ATAD3C: variants seen among roughly 807,000 people sequenced by gnomAD.
ATAD3C encodes the protein ATPase family AAA domain-containing protein 3C.
In ATAD3C, 38 loss-of-function variants were observed where a neutral mutation model predicts 46.3. The observed-to-expected ratio is 0.82, with a 90% CI of 0.63 to 1.08. ATAD3C has a LOEUF of 1.08. Ranked by LOEUF, ATAD3C falls within the 50% of genes least tolerant of loss-of-function variation. The probability of loss-of-function intolerance (pLI) is 0.00; values close to 1 mark genes in which losing one functional copy is unlikely to be tolerated. For missense variants in ATAD3C, 563 were observed against 572.7 expected (o/e 0.98, Z 0.17); for synonymous variants, 220 against 236.4 (o/e 0.93, Z 0.63).
chr1:1,455,813 G>C lies in ATAD3C; in HGVS notation c.461G>C (p.Arg154Pro). ...CAGCCCAGCCTGGAAGCACGGGTGC[G>C]CGACATCGCCATAATGACAAGGAAC... ...VLSPSLEARV[R>P]DIAIMTRNIK... Residue 154 changes from arginine to proline, a missense_variant, in exon 6 of 12, where the codon CGC becomes CCC. This residue lies in a region of ATAD3C where 263 missense variants were observed against 243.1 expected (regional missense o/e 1.08). Coordinates refer to ENST00000378785, the MANE Select transcript of ATAD3C (RefSeq NM_001039211.3). The C allele has an allele frequency of 6.2e-7, 1 of 1,613,446 alleles. No homozygotes were observed. Among genetic ancestry groups the C allele is most frequent in the South Asian group, 1.1e-5 (1 of 91,016 alleles).
chr1:1,456,252 T>A lies in ATAD3C; in HGVS notation c.592T>A (p.Tyr198Asn). 6.7e-7 allele frequency: 1 copy of A among 1,491,278 alleles called. No individual in the cohort carries two copies. The highest frequency in any genetic ancestry group is 8.8e-7 in the Non-Finnish European group (1 of 1,142,022). 92.4% of individuals were successfully genotyped at this position (1,491,278 alleles called of 1,614,324 possible). The change falls in exon 7 of 12, where the codon TAC becomes AAC. Residue 198 changes from tyrosine to asparagine, a missense_variant. Tyr to Asn is a moderately radical substitution (Grantham distance 143, BLOSUM62 -2). This residue lies in a region of ATAD3C where 27 missense variants were observed against 76.2 expected (regional missense o/e 0.35). Coordinates refer to ENST00000378785, the MANE Select transcript of ATAD3C (RefSeq NM_001039211.3). ...KKLALHSGMD[Y>N]AIMTGGDVAP... ...ACTCGCCCTGCACTCAGGCATGGAC[T>A]ACGCCATCATGACAGGCGGGGACGT...
chr1:1,460,333 G>A (rs1164929939), intron 9 of ATAD3C, among the ~76,000 whole-genome samples: 2 of 151,858 alleles, frequency 1.3e-5, no homozygotes, highest in South Asian at 2.1e-4. Context: ...CACCCGCCTC[G>A]GCCTCCCAAA....
Position 1,454,422 on chromosome 1 carries a change from G to T in ATAD3C, c.300G>T (p.Glu100Asp). Residue 100 changes from glutamate to aspartate, a missense_variant, in exon 4 of 12, where the codon GAG becomes GAT. Coordinates refer to ENST00000378785, the MANE Select transcript of ATAD3C (RefSeq NM_001039211.3). ...NATAVTGRYI[E>D]ARLGKPSLVR... is the part of the protein sequence containing the mutation. Reference sequence around the variant, plus strand: ...CAGCCGTCACTGGCCGCTACATCGAGGCTCGGCTGGGGAAGCCGTCCCTAG... The same window carrying T: ...CAGCCGTCACTGGCCGCTACATCGATGCTCGGCTGGGGAAGCCGTCCCTAG... 1 of 1,609,348 alleles carries T rather than the reference G, an allele frequency of 6.2e-7. No homozygotes were observed. Among genetic ancestry groups the T allele is most frequent in the Non-Finnish European group, 8.5e-7 (1 of 1,178,760 alleles).
chr1:1,465,362 T>C (rs1240723), intron 11 of ATAD3C, among the ~76,000 whole-genome samples: 147,758 of 151,108 alleles, frequency 0.98, 72,285 homozygotes, highest in East Asian at 1. Flanking sequence ...GAGGCTGAGG[T>C]GGGTGGATCA....
chr1:1,461,687 C>A (rs368112403), intron 10 of ATAD3C, among the ~76,000 whole-genome samples: 1 of 143,128 alleles, frequency 7.0e-6, no homozygotes. Context: ...CATGTAGGGA[C>A]TGGAGGGAGA....
rs1487426902 is a variant in ATAD3C, at chr1:1,462,849, C to T, written c.1089+141C>T. On this transcript the variant is annotated intron_variant, in intron 11 of 11. Transcript: ENST00000378785. This position sits in a 1 kb window ranked among gnomAD's most constrained non-coding sequence, Gnocchi z 4.5. ...TTCAGTGCACAGATGTGACACGGGG[C>T]CCCTGCCCCAGTTGGGCCACTCCAC... is the stretch of plus-strand genomic sequence containing the variant. 9.2e-7 allele frequency: 1 copy of T among 1,088,482 alleles called. No homozygotes were observed. The highest frequency in any genetic ancestry group is 1.6e-5 in the African/African-American group (1 of 63,712). 67.4% of individuals were successfully genotyped at this position (1,088,482 alleles called of 1,614,324 possible).
At position 1,455,763 on chromosome 1, in the gene ATAD3C, TC is replaced by T. The variant is rs755076756; in HGVS notation, c.439-26del. 6 of 1,612,210 alleles carry T rather than the reference TC, an allele frequency of 3.7e-6. No individual in the cohort carries two copies. The East Asian group carries it at 1.3e-4, about 36-fold the overall frequency. Reference sequence around the variant, plus strand: ...GAGGCTTCTGTGGGTGCAGACTGTGTCCTCCAAGCCCCTGTCTTCCTCGGCA... The same window carrying T: ...GAGGCTTCTGTGGGTGCAGACTGTGTCTCCAAGCCCCTGTCTTCCTCGGCA... On this transcript the variant is annotated intron_variant, in intron 5 of 11. Coordinates refer to ENST00000378785, the MANE Select transcript of ATAD3C (RefSeq NM_001039211.3).
chr1:1,460,069 A>ATT (rs746685483), intron 9 of ATAD3C, among the ~76,000 whole-genome samples: 74 of 124,248 alleles, frequency 6.0e-4, no homozygotes, highest in East Asian at 5.7e-3. Context: ...GCGTGGCAGT[A>ATT]TTTTTTTTTT....
rs1463834576 is a variant in ATAD3C at position 1,464,026 on chromosome 1, G to A, written c.1089+1318G>A. ...TCGAGACCAGCCTGGCCAACATGTC[G>A]AACTCCACCTCTACTAAAAATACAA... On this transcript the variant is annotated intron_variant, in intron 11 of 11. Coordinates refer to ENST00000378785, the MANE Select transcript of ATAD3C (RefSeq NM_001039211.3). Among the ~76,000 whole-genome samples the A allele has an allele frequency of 2.7e-5, 4 of 150,874 alleles. No individual in the cohort carries two copies. In the South Asian group the frequency reaches 6.3e-4, roughly 24 times the overall value.
rs1638831891 is a variant in ATAD3C, at chr1:1,450,255, G to A, written c.-429G>A. 1 of 161,204 alleles carries A rather than the reference G, an allele frequency of 6.2e-6. No homozygotes were observed. The highest frequency in any genetic ancestry group is 6.1e-5 in the Admixed American group (1 of 16,276). The allele number at this position is 161,204 out of a possible 1,614,324, so 10.0% of individuals were successfully genotyped here. A position where few individuals can be genotyped will look rare whatever the true frequency, so the allele number is the denominator to read the frequency against. On this transcript the variant is annotated 5_prime_UTR_variant, in exon 1 of 12. Transcript: ENST00000378785. ...CAGGAGAGTGACGTGAACCCGAGAG[G>A]TAGAGCTTGCAGTAAGCAGAGATCA...
In ATAD3C at chr1:1,460,918, G is replaced by A. The variant is rs886511499; in HGVS notation, c.980+1G>A. On this transcript the variant is annotated splice_donor_variant, in intron 10 of 11. Coordinates refer to ENST00000378785, the MANE Select transcript of ATAD3C (RefSeq NM_001039211.3). LOFTEE classifies it high-confidence loss of function. ...TTAAGCCGGCCACAGAAGGAAAGCG[G>A]TAAGTGTCCCGCCCCACCAGCCCCC... The A allele has an allele frequency of 1.2e-6, 2 of 1,603,974 alleles. No individual in the cohort carries two copies. The highest frequency in any genetic ancestry group is 1.7e-6 in the Non-Finnish European group (2 of 1,174,442).
intron 3 of ATAD3C, among the ~76,000 whole-genome samples, chr1:1,453,314 T>C (rs773028817): frequency 6.6e-6 from 1 of 152,094 alleles, no homozygotes. Context: ...GCGATTCTCT[T>C]GCCTCAGCCT....
intron 8 of ATAD3C, 37 bp downstream of exon 8, chr1:1,457,217 G>A: frequency 6.2e-7 from 1 of 1,612,994 alleles, no homozygotes; most frequent in Non-Finnish European, 8.5e-7. Flanking sequence ...CCACAGGAGG[G>A]TGGTGGGGTG....
At chr1:1,461,502 C>G (rs1243390757) in intron 10 of ATAD3C, among the ~76,000 whole-genome samples, 1 of 148,970 alleles carries the variant, frequency 6.7e-6, no homozygotes, top group East Asian at 2.0e-4. Context: ...TTACGTTCCT[C>G]TTCACTACGC....
In ATAD3C at chr1:1,468,578, C is replaced by T. The variant is rs1318826249; in HGVS notation, c.*48C>T. The T allele has an allele frequency of 6.3e-7, 1 of 1,578,526 alleles. No individual in the cohort carries two copies. Among genetic ancestry groups the T allele is most frequent in the Non-Finnish European group, 8.6e-7 (1 of 1,166,012 alleles). On this transcript the variant is annotated 3_prime_UTR_variant, in exon 12 of 12. Coordinates refer to ENST00000378785, the MANE Select transcript of ATAD3C (RefSeq NM_001039211.3). ...ACGGAGCCTGGCCGCGGACCCCTCC[C>T]ACCCCTGCCTTTGCGGCCCCGCACA...
chr1:1,460,504 G>A (rs915998093), intron 9 of ATAD3C, among the ~76,000 whole-genome samples: 14 of 152,044 alleles, frequency 9.2e-5, no homozygotes, highest in East Asian at 3.9e-4. Flanking sequence ...GACGGTCAGC[G>A]GGGAAGTACC....
chr1:1,457,582 C>A (rs1434390712), intron 8 of ATAD3C, among the ~76,000 whole-genome samples: 1 of 115,324 alleles, frequency 8.7e-6, no homozygotes, highest in Admixed American at 1.2e-4. Context: ...GGCGACACAG[C>A]GAGACTTCAT....
intron 11 of ATAD3C, among the ~76,000 whole-genome samples, chr1:1,466,894 T>A (rs867543860): frequency 5.9e-5 from 9 of 152,004 alleles, no homozygotes; most frequent in African/African-American, 1.2e-4. Flanking sequence ...AGTGAGGAAA[T>A]GTTCTTCAAT....
In ATAD3C at chr1:1,455,506, G is replaced by T. The variant is rs542001681; in HGVS notation, c.425G>T (p.Gly142Val). The T allele has an allele frequency of 1.9e-6, 3 of 1,612,604 alleles. No individual in the cohort carries two copies. In the East Asian group the frequency reaches 6.7e-5, roughly 36 times the overall value. ...AGTCGACCCCAGGACGTGCTGGAGG[G>T]TGTTGTGCTTAGTGTAAGTCGGTGT... ...LLSRPQDVLE[G>V]VVLSPSLEAR... is the part of the protein sequence containing the mutation. The change falls in exon 5 of 12, where the codon GGT becomes GTT. Residue 142 changes from glycine (G) to valine (V), a missense_variant. Coordinates refer to ENST00000378785, the MANE Select transcript of ATAD3C (RefSeq NM_001039211.3).
Sources: allele counts gnomAD v4.1 joint callset (sites outside exome capture counted in the v4.1 genomes callset), GRCh38; gene constraint gnomAD v4.1.1; regional missense constraint gnomAD v4.1.1; non-coding constraint Gnocchi (gnomAD v3.1); transcripts MANE v1.5; gene names NCBI Gene and HGNC (gene_info 2026-07-23, HGNC 2026-07-21).